ARHGEF4: variants seen among roughly 807,000 people sequenced by gnomAD.
ARHGEF4 encodes the protein Rho guanine nucleotide exchange factor 4.
Under a neutral mutation model 162.0 loss-of-function variants are expected in ARHGEF4, and 119 were observed. That is an observed-to-expected ratio of 0.73 (90% CI 0.63 to 0.86). The LOEUF (loss-of-function observed/expected upper bound fraction) is 0.86, where lower values mean the gene tolerates loss of function less well. Among genes scored for constraint, ARHGEF4 ranks in the 40% least tolerant of loss-of-function variants. ARHGEF4 has a pLI of 0.00. For missense variants in ARHGEF4, 2,488 were observed against 2,456.0 expected (o/e 1.01, Z -0.28); for synonymous variants, 1,014 against 979.9 (o/e 1.03, Z -0.65).
chr2:131,035,035 C>T (rs1021476587), intron 5 of ARHGEF4: 1 of 990,570 alleles, frequency 1.0e-6, no homozygotes, highest in Non-Finnish European at 1.2e-6. Flanking sequence ...TGCGGGCCAC[C>T]GGCTCGGCCC....
chr2:130,849,581 T>C (rs1681249397), intron 1 of ARHGEF4, among the ~76,000 whole-genome samples: 1 of 151,810 alleles, frequency 6.6e-6, no homozygotes, highest in African/African-American at 2.4e-5. Context: ...TTTTTTTTTT[T>C]TTTCTGAGAC....
chr2:130,882,468 C>T (rs1679253672), intron 1 of ARHGEF4, among the ~76,000 whole-genome samples: 1 of 152,140 alleles, frequency 6.6e-6, no homozygotes, highest in Admixed American at 6.5e-5. Flanking sequence ...GGTGAGTGAG[C>T]TTTCCGGTGG....
intron 4 of ARHGEF4, among the ~76,000 whole-genome samples, chr2:130,971,247 T>C (rs1685341469): frequency 6.6e-6 from 1 of 152,266 alleles, no homozygotes. Context: ...TTTCTAGCTC[T>C]GTTCTGTTCC....
At chr2:130,900,028 T>G (rs1680394830) in intron 1 of ARHGEF4, among the ~76,000 whole-genome samples, 2 of 152,210 alleles carry the variant, frequency 1.3e-5, no homozygotes, top group South Asian at 4.1e-4. Context: ...GTTAGAGCAT[T>G]TTCTTGTTGT....
chr2:131,038,064 G>A (rs942998787), intron 5 of ARHGEF4, among the ~76,000 whole-genome samples: 3 of 152,198 alleles, frequency 2.0e-5, no homozygotes, highest in Non-Finnish European at 4.4e-5. Context: ...GGGGTGCCAT[G>A]AGGTTGGTTC....
At chr2:130,941,076 C>T (rs72861470) in intron 3 of ARHGEF4, among the ~76,000 whole-genome samples, 26,917 of 151,952 alleles carry the variant, frequency 0.18, 2,493 homozygotes, top group South Asian at 0.29. Flanking sequence ...GAAGGGAAGA[C>T]TTAGAGAATG....
At chr2:130,967,283 G>A (rs1045594205) in intron 4 of ARHGEF4, among the ~76,000 whole-genome samples, 2 of 152,170 alleles carry the variant, frequency 1.3e-5, no homozygotes, top group Non-Finnish European at 2.9e-5. Flanking sequence ...ATCCGAACAC[G>A]AAATATAGCT....
At chr2:131,005,744 G>C (rs1183093862) in intron 4 of ARHGEF4, among the ~76,000 whole-genome samples, 1 of 152,152 alleles carries the variant, frequency 6.6e-6, no homozygotes. Flanking sequence ...GCACTGGGGG[G>C]AGATGCGCCG....
chr2:130,992,281 C>T (rs536114819), intron 4 of ARHGEF4, among the ~76,000 whole-genome samples: 2 of 152,278 alleles, frequency 1.3e-5, no homozygotes, highest in African/African-American at 4.8e-5. Flanking sequence ...GCACTGGCAA[C>T]CTGCTTGGGT....
chr2:130,986,900 A>C (rs908246004), intron 4 of ARHGEF4, among the ~76,000 whole-genome samples: 1 of 152,236 alleles, frequency 6.6e-6, no homozygotes, highest in Non-Finnish European at 1.5e-5. Context: ...CTTGGGTCAC[A>C]CAATCCTAGG....
intron 1 of ARHGEF4, among the ~76,000 whole-genome samples, chr2:130,878,729 G>C (rs575444841): frequency 6.6e-6 from 1 of 152,174 alleles, no homozygotes; most frequent in Admixed American, 6.5e-5. Flanking sequence ...ATTTTCAATC[G>C]AATTAAATGG....
At chr2:130,973,997 C>CA (rs1458821052) in intron 4 of ARHGEF4, among the ~76,000 whole-genome samples, 3 of 151,848 alleles carry the variant, frequency 2.0e-5, no homozygotes, top group Non-Finnish European at 2.9e-5. Context: ...TTGCTGGGTG[C>CA]AGTGGCTCAT....
intron 4 of ARHGEF4, among the ~76,000 whole-genome samples, chr2:130,959,385 A>T (rs1684501977): frequency 6.6e-6 from 1 of 152,216 alleles, no homozygotes. Context: ...ATGGGGAGAA[A>T]GGGAATTAAC....
chr2:130,936,963 G>A (rs527606572), intron 3 of ARHGEF4, among the ~76,000 whole-genome samples: 2 of 128,310 alleles, frequency 1.6e-5, no homozygotes, highest in East Asian at 4.8e-4. Context: ...GCTGGAGCAC[G>A]ATGGTGCAAT....
intron 1 of ARHGEF4, among the ~76,000 whole-genome samples, chr2:130,878,135 G>A (rs946915574): frequency 9.2e-5 from 14 of 152,214 alleles, no homozygotes; most frequent in Admixed American, 2.0e-4. Flanking sequence ...ATTTAAGAGC[G>A]AAATCATAAA....
At chr2:130,926,590 G>T (rs1682302676) in intron 2 of ARHGEF4, among the ~76,000 whole-genome samples, 1 of 152,058 alleles carries the variant, frequency 6.6e-6, no homozygotes, top group African/African-American at 2.4e-5. Flanking sequence ...TCCAGGTTTG[G>T]GTGAAACCCT....
At chr2:130,859,471 G>A (rs1218597774) in intron 1 of ARHGEF4, among the ~76,000 whole-genome samples, 1 of 53,102 alleles carries the variant, frequency 1.9e-5, no homozygotes, top group African/African-American at 4.5e-5. Context: ...CTTACAGGCC[G>A]AGTGTGGTGG....
At chr2:130,989,704 A>AT (rs773684319) in intron 4 of ARHGEF4, among the ~76,000 whole-genome samples, 2 of 152,118 alleles carry the variant, frequency 1.3e-5, no homozygotes, top group Non-Finnish European at 2.9e-5. Flanking sequence ...CCTCCCTTCC[A>AT]TATTTCTGCT....
intron 4 of ARHGEF4, among the ~76,000 whole-genome samples, chr2:130,949,416 C>T (rs191539917): frequency 4.6e-5 from 7 of 152,200 alleles, no homozygotes; most frequent in African/African-American, 9.6e-5. Context: ...TGCAGTGGTG[C>T]GATCTCGGCT....
Sources: gnomAD v4.1 joint callset for allele counts (sites outside exome capture counted in the v4.1 genomes callset) on GRCh38, gnomAD v4.1.1 for gene constraint, MANE v1.5 for transcripts, NCBI Gene and HGNC (gene_info 2026-07-23, HGNC 2026-07-21) for gene names.